Variants in OPCML observed in about 807,000 individuals in gnomAD.
OPCML encodes opioid-binding protein/cell adhesion molecule.
A neutral mutation model predicts 37.8 loss-of-function variants in OPCML; 13 were observed. The observed-to-expected ratio is 0.34, with a 90% confidence interval of 0.22 to 0.55. The LOEUF (loss-of-function observed/expected upper bound fraction) is 0.55. OPCML is among the 20% of genes least tolerant of loss of function. The pLI is 0.91. For synonymous variants in OPCML, 176 were observed against 168.8 expected (o/e 1.04, Z -0.33); for missense variants, 341 against 435.6 (o/e 0.78, Z 1.93).
At chr11:132,782,956 T>C (rs1197188236) in intron 2 of OPCML, among the ~76,000 whole-genome samples, 2 of 147,796 alleles carry the variant, frequency 1.4e-5, no homozygotes, top group African/African-American at 4.9e-5. Context: ...TGTATGTATG[T>C]ATAATCCAGT....
rs776576504 is a variant in OPCML, at chr11:132,420,147, G to A, written c.*46C>T. 1.4e-5 allele frequency: 21 copies of A among 1,549,668 alleles called. No individual in the cohort carries two copies. The highest frequency in any genetic ancestry group is 8.4e-5 in the Admixed American group (5 of 59,640). ...CTCTCCGCAGTGTAGATTAAAGTCT[G>A]TGATATGGAGAAGCAGGCGTTGCTC... On this transcript the variant is annotated 3_prime_UTR_variant, in exon 8 of 8. Transcript: ENST00000524381.
chr11:132,461,731 A>G (rs1250002858), intron 4 of OPCML, among the ~76,000 whole-genome samples: 1 of 152,164 alleles, frequency 6.6e-6, no homozygotes, highest in Non-Finnish European at 1.5e-5. Flanking sequence ...ACAGTTCTGC[A>G]GGGCTGGGGA....
intron 1 of OPCML, among the ~76,000 whole-genome samples, chr11:133,270,415 C>T (rs1428843348): frequency 1.3e-5 from 2 of 152,066 alleles, no homozygotes; most frequent in African/African-American, 4.8e-5. Context: ...GAAGGCTAGA[C>T]AAATGATCCC....
chr11:132,513,617 T>G (rs1007094431), intron 4 of OPCML, among the ~76,000 whole-genome samples: 21 of 152,172 alleles, frequency 1.4e-4, no homozygotes, highest in Non-Finnish European at 2.9e-5. Flanking sequence ...GTCTCTTCTC[T>G]TATCTCCATT....
chr11:132,508,681 G>A (rs1178664454), intron 4 of OPCML, among the ~76,000 whole-genome samples: 1 of 152,092 alleles, frequency 6.6e-6, no homozygotes, highest in Non-Finnish European at 1.5e-5. Flanking sequence ...CAATTATTAG[G>A]GGTTTCCGCT....
intron 4 of OPCML, among the ~76,000 whole-genome samples, chr11:132,492,845 T>C (rs2096220394): frequency 6.6e-6 from 1 of 152,190 alleles, no homozygotes; most frequent in South Asian, 2.1e-4. Flanking sequence ...AATTGCTCAG[T>C]AAATATTTTG....
intron 2 of OPCML, among the ~76,000 whole-genome samples, chr11:132,820,497 G>GTGTGTGTGTGT (rs763790501): frequency 4.0e-5 from 6 of 151,874 alleles, no homozygotes; most frequent in Non-Finnish European, 7.4e-5. Flanking sequence ...ATATATATGT[G>GTGTGTGTGTGT]GTGTGTGTGT....
chr11:132,867,198 T>C (rs934941763), intron 2 of OPCML, among the ~76,000 whole-genome samples: 12 of 152,194 alleles, frequency 7.9e-5, no homozygotes, highest in African/African-American at 1.2e-4. Flanking sequence ...CTCTGCCATG[T>C]TGCAGTTTTA....
intron 2 of OPCML, among the ~76,000 whole-genome samples, chr11:132,774,231 C>T (rs1240253558): frequency 6.6e-6 from 1 of 152,212 alleles, no homozygotes; most frequent in East Asian, 1.9e-4. Flanking sequence ...GGGTTCAAAA[C>T]ACGCAGCCTG....
At chr11:132,618,560 A>G (rs1019165287) in intron 3 of OPCML, among the ~76,000 whole-genome samples, 3 of 152,114 alleles carry the variant, frequency 2.0e-5, no homozygotes, top group Non-Finnish European at 2.9e-5. Context: ...CTACCCAACA[A>G]TCTAGTTCAG....
chr11:132,987,197 C>T (rs1425839976), intron 1 of OPCML, among the ~76,000 whole-genome samples: 1 of 152,090 alleles, frequency 6.6e-6, no homozygotes, highest in Admixed American at 6.5e-5. Context: ...AATGACAACC[C>T]ACTGAGAGGG....
chr11:132,615,579 C>G (rs1043008594), intron 3 of OPCML, among the ~76,000 whole-genome samples: 2 of 151,894 alleles, frequency 1.3e-5, no homozygotes, highest in Admixed American at 1.3e-4. Flanking sequence ...GTAGCATTTA[C>G]ATTTATTAGG....
intron 1 of OPCML, among the ~76,000 whole-genome samples, chr11:133,263,182 A>G (rs1223195208): frequency 6.6e-6 from 1 of 152,112 alleles, no homozygotes; most frequent in Non-Finnish European, 1.5e-5. Flanking sequence ...GTAGATGATC[A>G]AAGACAATAT....
intron 4 of OPCML, among the ~76,000 whole-genome samples, chr11:132,523,682 C>T (rs1013960828): frequency 6.6e-6 from 1 of 152,076 alleles, no homozygotes; most frequent in Non-Finnish European, 1.5e-5. Flanking sequence ...CCTAGTTATC[C>T]CAGTCCCCAA....
chr11:132,565,856 A>ACC (rs2096421579), intron 3 of OPCML, among the ~76,000 whole-genome samples: 5 of 152,116 alleles, frequency 3.3e-5, no homozygotes, highest in Non-Finnish European at 7.4e-5. Context: ...AACATGGTGA[A>ACC]ACCCTGTCTC....
chr11:132,988,889 C>T (rs1156241256), intron 1 of OPCML, among the ~76,000 whole-genome samples: 3 of 152,102 alleles, frequency 2.0e-5, no homozygotes, highest in Admixed American at 1.3e-4. Flanking sequence ...TGCACAGCAA[C>T]ACAGTCAAAA....
At chr11:133,277,357 T>G (rs1942023021) in intron 1 of OPCML, among the ~76,000 whole-genome samples, 1 of 152,130 alleles carries the variant, frequency 6.6e-6, no homozygotes, top group African/African-American at 2.4e-5. Context: ...GTCAAACATT[T>G]TATAGAAAAT....
Position 132,943,001 on chromosome 11 carries a change from A to G in OPCML, c.71T>C (p.Val24Ala). The part of the protein sequence containing the change: ...TALLFIPGVP[V>A]RSGDATFPKA... Reference sequence around the variant, plus strand: ...GGGGAAGGTGGCATCTCCGCTGCGCACGGGCACTCCTGTGGGTACAAGGAA... The same window carrying G: ...GGGGAAGGTGGCATCTCCGCTGCGCGCGGGCACTCCTGTGGGTACAAGGAA... The change falls in exon 2 of 8, where the codon GTG becomes GCG. Residue 24 changes from valine to alanine, a missense_variant. Coordinates refer to ENST00000524381, the MANE Select transcript of OPCML (RefSeq NM_001012393.5). This position sits in a 1 kb window ranked among gnomAD's most constrained non-coding sequence, Gnocchi z 4.3. 1 of 1,614,142 alleles carries G rather than the reference A, an allele frequency of 6.2e-7. No individual in the cohort carries two copies. The highest frequency in any genetic ancestry group is 8.5e-7 in the Non-Finnish European group (1 of 1,180,012).
intron 1 of OPCML, among the ~76,000 whole-genome samples, chr11:133,078,262 C>A (rs972405865): frequency 1.3e-5 from 2 of 152,140 alleles, no homozygotes; most frequent in Non-Finnish European, 2.9e-5. Context: ...ATCTGATAAA[C>A]ATGGGGCTGA....
Sources: allele counts gnomAD v4.1 joint callset (sites outside exome capture counted in the v4.1 genomes callset), GRCh38; gene constraint gnomAD v4.1.1; non-coding constraint Gnocchi (gnomAD v3.1); transcripts MANE v1.5; gene names NCBI Gene and HGNC (gene_info 2026-07-23, HGNC 2026-07-21).